CAB39L: variants seen among roughly 807,000 people sequenced by gnomAD.
The protein encoded by CAB39L is calcium binding protein 39 like, also known as calcium-binding protein 39-like.
A neutral mutation model predicts 39.1 loss-of-function variants in CAB39L; 23 were observed. The ratio of observed to expected loss-of-function variants is 0.59; its 90% CI spans 0.42 to 0.83. CAB39L has a LOEUF of 0.83. Among genes scored for constraint, CAB39L ranks in the 40% least tolerant of loss-of-function variants. CAB39L has a pLI of 0.00. For missense variants in CAB39L, 366 were observed against 391.9 expected, an observed-to-expected ratio of 0.93 and a Z score of 0.56; for synonymous variants, 126 against 137.2, an observed-to-expected ratio of 0.92 and a Z score of 0.57.
intron 3 of CAB39L, among the ~76,000 whole-genome samples, chr13:49,429,035 A>G (rs988786394): frequency 2.6e-5 from 4 of 152,242 alleles, no homozygotes; most frequent in African/African-American, 7.2e-5. Context: ...CACTATAATT[A>G]TATAGCATTT....
chr13:49,343,726 G>A (rs1160459982), intron 8 of CAB39L, among the ~76,000 whole-genome samples: 1 of 152,056 alleles, frequency 6.6e-6, no homozygotes, highest in Admixed American at 6.6e-5. Flanking sequence ...TTTCTAAAGA[G>A]TCATATTTCA....
intron 1 of CAB39L, 125 bp downstream of exon 1, chr13:49,443,861 C>G: frequency 2.2e-6 from 1 of 451,512 alleles, no homozygotes; most frequent in Admixed American, 2.4e-5. Context: ...GGTCTCCTCC[C>G]TTAGGCCTCT....
intron 3 of CAB39L, among the ~76,000 whole-genome samples, chr13:49,405,363 G>A (rs2138667543): frequency 6.6e-6 from 1 of 152,154 alleles, no homozygotes; most frequent in South Asian, 2.1e-4. Flanking sequence ...GAGAAATAAA[G>A]ACATTCCCAG....
chr13:49,344,713 C>T lies in CAB39L; in HGVS notation c.565-475G>A, dbSNP rs1480272893. ...TTTGTTTTTGTATTTTTAGCAGAGA[C>T]GGGTTTCACCGTGTTAGCCAGGATG... On this transcript the variant is annotated intron_variant, in intron 7 of 10. Coordinates refer to ENST00000409308, the MANE Select transcript of CAB39L (RefSeq NM_001079670.3). Among the ~76,000 whole-genome samples the T allele has an allele frequency of 2.0e-5, 3 of 151,912 alleles. No individual in the cohort carries two copies. In the South Asian group the frequency reaches 6.2e-4, roughly 32 times the overall value.
chr13:49,379,970 T>C (rs551960674), intron 4 of CAB39L, among the ~76,000 whole-genome samples: 2 of 150,448 alleles, frequency 1.3e-5, no homozygotes, highest in East Asian at 3.9e-4. Context: ...GCCTCCCAAG[T>C]AGCGGGGACT....
chr13:49,331,241 G>A (rs757511440), intron 10 of CAB39L, among the ~76,000 whole-genome samples: 5 of 152,084 alleles, frequency 3.3e-5, no homozygotes, highest in South Asian at 2.1e-4. Flanking sequence ...CGAGGAGGGC[G>A]GATCACGAGG....
At chr13:49,404,352 G>A (rs1024442189) in intron 3 of CAB39L, among the ~76,000 whole-genome samples, 2 of 151,682 alleles carry the variant, frequency 1.3e-5, no homozygotes, top group African/African-American at 4.8e-5. Flanking sequence ...TGGCTGCAGT[G>A]ACCAAAGACT....
chr13:49,358,454 T>C (rs764307123), intron 6 of CAB39L, among the ~76,000 whole-genome samples: 18 of 152,330 alleles, frequency 1.2e-4, no homozygotes, highest in Non-Finnish European at 2.4e-4. Context: ...GAAAAATTAG[T>C]ATAAGCCCAT....
chr13:49,377,005 C>A lies in CAB39L; in HGVS notation c.238G>T (p.Val80Leu), dbSNP rs1160064033. The A allele has an allele frequency of 1.2e-6, 2 of 1,613,076 alleles. No individual in the cohort carries two copies. The highest frequency in any genetic ancestry group is 1.7e-6 in the Non-Finnish European group (2 of 1,179,282). The change falls in exon 5 of 11, where the codon GTG (valine) becomes TTG (leucine). Residue 80 changes from valine to leucine, a missense_variant. Physicochemically the swap from Val to Leu is conservative, Grantham distance 32 (BLOSUM62 1). Coordinates refer to ENST00000409308, the MANE Select transcript of CAB39L (RefSeq NM_001079670.3). Reference sequence around the variant, plus strand: ...AGCTGCAGGTCAGCTATCAGTGTCACTAGCAGGCCACTGCTGTAGAGTTCT... The same window carrying A: ...AGCTGCAGGTCAGCTATCAGTGTCAATAGCAGGCCACTGCTGTAGAGTTCT... ...AQELYSSGLL[V>L]TLIADLQLID... is the part of the protein sequence containing the mutation.
At chr13:49,388,900 G>A (rs74072566) in intron 3 of CAB39L, among the ~76,000 whole-genome samples, 3,184 of 152,174 alleles carry the variant, frequency 0.021, 123 homozygotes, top group African/African-American at 0.073. Context: ...TATTTGGTCC[G>A]GGTTTCTTCT....
intron 3 of CAB39L, among the ~76,000 whole-genome samples, chr13:49,412,162 T>C (rs1365517061): frequency 6.6e-6 from 1 of 152,196 alleles, no homozygotes; most frequent in Non-Finnish European, 1.5e-5. Flanking sequence ...ACCACTTCTC[T>C]ATATATAGAC....
chr13:49,359,673 T>C, intron 6 of CAB39L, 41 bp downstream of exon 6: 1 of 1,062,064 alleles, frequency 9.4e-7, no homozygotes, highest in Non-Finnish European at 1.4e-6. Context: ...TTAACAACTA[T>C]TAAAAACTTA....
chr13:49,394,306 C>T (rs1200519520), intron 3 of CAB39L, among the ~76,000 whole-genome samples: 1 of 151,872 alleles, frequency 6.6e-6, no homozygotes, highest in African/African-American at 2.4e-5. Context: ...TAACCATTCT[C>T]TATAATAAAA....
intron 3 of CAB39L, among the ~76,000 whole-genome samples, chr13:49,390,254 A>T (rs1158641892): frequency 2.6e-5 from 4 of 152,108 alleles, no homozygotes; most frequent in African/African-American, 7.2e-5. Flanking sequence ...TTTCATATTT[A>T]AAAAAAATTT....
At chr13:49,424,219 C>T (rs1333177246) in intron 3 of CAB39L, among the ~76,000 whole-genome samples, 1 of 152,214 alleles carries the variant, frequency 6.6e-6, no homozygotes, top group Non-Finnish European at 1.5e-5. Flanking sequence ...AACACTACCT[C>T]ACCCTAGTGA....
intron 5 of CAB39L, among the ~76,000 whole-genome samples, chr13:49,375,486 G>A (rs946872219): frequency 1.3e-5 from 2 of 152,164 alleles, no homozygotes; most frequent in Admixed American, 6.5e-5. Context: ...GATGGAGAGG[G>A]AGAGTAAGCA....
chr13:49,371,905 T>G (rs888483847), intron 5 of CAB39L, among the ~76,000 whole-genome samples: 1 of 152,194 alleles, frequency 6.6e-6, no homozygotes, highest in Admixed American at 6.5e-5. Flanking sequence ...TTTGCTAATT[T>G]TTTTTAATGT....
intron 9 of CAB39L, among the ~76,000 whole-genome samples, chr13:49,337,514 T>C (rs774336040): frequency 6.6e-6 from 1 of 152,116 alleles, no homozygotes; most frequent in Admixed American, 6.6e-5. Context: ...GAGGGCCACT[T>C]ATAGATGGAT....
chr13:49,349,455 C>CATATATATATATAT (rs34379188), intron 7 of CAB39L, among the ~76,000 whole-genome samples: 2 of 141,806 alleles, frequency 1.4e-5, no homozygotes, highest in African/African-American at 2.6e-5. Context: ...AATCTGAATA[C>CATATATATATATAT]ATATATATAT....
Sources: gnomAD v4.1 joint callset for allele counts (sites outside exome capture counted in the v4.1 genomes callset) on GRCh38, gnomAD v4.1.1 for gene constraint, MANE v1.5 for transcripts, NCBI Gene and HGNC (gene_info 2026-07-23, HGNC 2026-07-21) for gene names.